Variants in MEF2A observed in about 807,000 individuals in gnomAD.
The protein encoded by MEF2A is myocyte-specific enhancer factor 2A.
MEF2A carries 28 observed loss-of-function variants against 55.8 expected under a neutral mutation model. That is an observed-to-expected ratio of 0.50 (90% CI 0.37 to 0.69). The LOEUF is 0.69. MEF2A is among the 30% of genes least tolerant of loss of function. The probability of loss-of-function intolerance (pLI) is 0.00; values close to 1 mark genes in which losing one functional copy is unlikely to be tolerated. For synonymous variants in MEF2A, 239 were observed against 227.1 expected (o/e 1.05, Z -0.47); for missense variants, 528 against 626.2 (o/e 0.84, Z 1.67).
chr15:99,578,245 C>T (rs574907807), intron 1 of MEF2A, among the ~76,000 whole-genome samples: 1 of 152,090 alleles, frequency 6.6e-6, no homozygotes, highest in South Asian at 2.1e-4. Flanking sequence ...AGAAGTGTCC[C>T]TTCTCCCTCG....
chr15:99,606,157 A>G (rs1975035380), intron 2 of MEF2A, among the ~76,000 whole-genome samples: 1 of 152,234 alleles, frequency 6.6e-6, no homozygotes. Flanking sequence ...TAGTAGGGAA[A>G]GAATTAGTCA....
chr15:99,609,419 C>T (rs1976349844), intron 2 of MEF2A, among the ~76,000 whole-genome samples: 1 of 152,172 alleles, frequency 6.6e-6, no homozygotes, highest in East Asian at 1.9e-4. Context: ...TAAAGCCAAA[C>T]TGCACTTTCA....
Position 99,712,798 on chromosome 15 carries a change from T to G in MEF2A, c.*27T>G. On this transcript the variant is annotated 3_prime_UTR_variant, in exon 12 of 12. Transcript: ENST00000557942. The surrounding 1 kb of genome is among the most constrained non-coding windows in gnomAD (Gnocchi z 4.1). ...GCTTCCAAGCTGATGTTTGTACTTT[T>G]GTGTTACTGCAGTGACCTGCCCTAC... is the stretch of plus-strand genomic sequence containing the variant. 6.5e-7 allele frequency: 1 copy of G among 1,547,278 alleles called. No homozygotes were observed. The highest frequency in any genetic ancestry group is 8.7e-7 in the Non-Finnish European group (1 of 1,143,576).
At chr15:99,677,768 T>G (rs1440630313) in intron 7 of MEF2A, among the ~76,000 whole-genome samples, 2 of 151,940 alleles carry the variant, frequency 1.3e-5, no homozygotes, top group African/African-American at 4.9e-5. Context: ...TATGAGAAAT[T>G]TAAACCTTTA....
rs1315572463 is a variant in MEF2A at position 99,690,695 on chromosome 15, G to A, written c.858+267G>A. The stretch of plus-strand genomic sequence containing the variant: ...GAGGTTATTGTGTTAAGTGAAATAA[G>A]CCAGGCATAGAAAGATAGATACTGC... On this transcript the variant is annotated intron_variant, in intron 8 of 11. Transcript: ENST00000557942. 4 of 562,142 alleles carry A rather than the reference G, an allele frequency of 7.1e-6. No individual in the cohort carries two copies. In the East Asian group the frequency reaches 1.7e-4, roughly 23 times the overall value. The allele number at this position is 562,142 out of a possible 1,614,324, so 34.8% of individuals were successfully genotyped here.
chr15:99,573,089 C>T (rs1440589441), intron 1 of MEF2A, among the ~76,000 whole-genome samples: 1 of 152,046 alleles, frequency 6.6e-6, no homozygotes, highest in East Asian at 1.9e-4. Context: ...GAGATCGAGA[C>T]CATCCTGGCT....
intron 2 of MEF2A, among the ~76,000 whole-genome samples, chr15:99,622,426 A>T (rs1201340447): frequency 1.3e-5 from 2 of 152,214 alleles, no homozygotes; most frequent in Non-Finnish European, 2.9e-5. Flanking sequence ...CATATTGAAA[A>T]ATCAGTACTT....
chr15:99,577,184 T>G (rs1450057813), intron 1 of MEF2A, among the ~76,000 whole-genome samples: 2 of 152,222 alleles, frequency 1.3e-5, no homozygotes, highest in Non-Finnish European at 2.9e-5. Context: ...TTTATGAAAG[T>G]GAAATTAAGT....
At chr15:99,704,177 G>A (rs1392011700) in intron 9 of MEF2A, among the ~76,000 whole-genome samples, 1 of 152,194 alleles carries the variant, frequency 6.6e-6, no homozygotes, top group Admixed American at 6.5e-5. Flanking sequence ...GGTTAAGAGT[G>A]CATGAAAGCA....
intron 4 of MEF2A, among the ~76,000 whole-genome samples, chr15:99,658,733 A>G (rs868058043): frequency 1.3e-5 from 2 of 152,248 alleles, no homozygotes; most frequent in East Asian, 3.8e-4. Context: ...TCTGGAGTCA[A>G]TGAAATGATA....
chr15:99,651,747 A>T (rs2046883553), intron 4 of MEF2A, among the ~76,000 whole-genome samples: 1 of 152,064 alleles, frequency 6.6e-6, no homozygotes, highest in Non-Finnish European at 1.5e-5. Context: ...TTAATCATAC[A>T]ATTATTGGTT....
At chr15:99,606,349 A>G (rs1238750416) in intron 2 of MEF2A, among the ~76,000 whole-genome samples, 1 of 152,188 alleles carries the variant, frequency 6.6e-6, no homozygotes, top group African/African-American at 2.4e-5. Flanking sequence ...TATTTCTTAA[A>G]AAAAAAATCA....
intron 4 of MEF2A, among the ~76,000 whole-genome samples, chr15:99,649,646 A>G (rs1316330424): frequency 6.6e-6 from 1 of 152,142 alleles, no homozygotes; most frequent in African/African-American, 2.4e-5. Flanking sequence ...GAACTATATT[A>G]TATAATTTTA....
chr15:99,626,444 G>A (rs1025834056), intron 2 of MEF2A, among the ~76,000 whole-genome samples: 10 of 150,670 alleles, frequency 6.6e-5, no homozygotes, highest in Non-Finnish European at 1.0e-4. Context: ...TTTTTTTTCC[G>A]TTGTTTTTCT....
intron 2 of MEF2A, among the ~76,000 whole-genome samples, chr15:99,605,494 A>G (rs934135295): frequency 2.0e-5 from 3 of 152,188 alleles, no homozygotes; most frequent in Non-Finnish European, 4.4e-5. Flanking sequence ...CATCCAAGCT[A>G]CCAACAATGT....
At chr15:99,646,453 A>G (rs538797820) in intron 4 of MEF2A, among the ~76,000 whole-genome samples, 1 of 152,232 alleles carries the variant, frequency 6.6e-6, no homozygotes, top group Admixed American at 6.5e-5. Context: ...ATTTTAAATT[A>G]GCTTCATAGT....
At chr15:99,653,242 C>T (rs1168589742) in intron 4 of MEF2A, among the ~76,000 whole-genome samples, 1 of 152,134 alleles carries the variant, frequency 6.6e-6, no homozygotes, top group African/African-American at 2.4e-5. Flanking sequence ...GTAATGCGGA[C>T]ATGCAGTTTT....
intron 4 of MEF2A, among the ~76,000 whole-genome samples, chr15:99,667,895 C>G (rs1478181292): frequency 6.6e-6 from 1 of 152,090 alleles, no homozygotes; most frequent in Non-Finnish European, 1.5e-5. Flanking sequence ...CTAAACAATA[C>G]AGAGTTTTAA....
chr15:99,656,381 CA>C, intron 4 of MEF2A, among the ~76,000 whole-genome samples: 1 of 152,112 alleles, frequency 6.6e-6, no homozygotes, highest in Admixed American at 6.5e-5. Context: ...TCATAAACCG[CA>C]AAACCTATGC....
Sources: gnomAD v4.1 joint callset for allele counts (sites outside exome capture counted in the v4.1 genomes callset) on GRCh38, gnomAD v4.1.1 for gene constraint, Gnocchi (gnomAD v3.1) non-coding constraint, MANE v1.5 for transcripts, NCBI Gene and HGNC (gene_info 2026-07-23, HGNC 2026-07-21) for gene names.